ARHGEF7: variants seen among roughly 807,000 people sequenced by gnomAD.
The protein encoded by ARHGEF7 is Rho guanine nucleotide exchange factor 7, also known as PAK-interacting exchange factor beta.
ARHGEF7 carries 33 observed loss-of-function variants against 109.8 expected under a neutral mutation model. The observed-to-expected ratio is 0.30, with a 90% CI of 0.23 to 0.40. ARHGEF7 has a LOEUF of 0.40. Among genes scored for constraint, ARHGEF7 ranks in the 10% least tolerant of loss-of-function variants. ARHGEF7 has a pLI of 1.00. For missense variants in ARHGEF7, 938 were observed against 1,098.5 expected (o/e 0.85, Z 2.07); for synonymous variants, 458 against 424.6 (o/e 1.08, Z -0.97).
intron 15 of ARHGEF7, among the ~76,000 whole-genome samples, chr13:111,281,766 TG>T (rs2092790393): frequency 6.6e-6 from 1 of 152,216 alleles, no homozygotes; most frequent in African/African-American, 2.4e-5. Flanking sequence ...CTTTTCTCTG[TG>T]GCCAGACCCT....
At chr13:111,249,451 G>GA (rs1174657361) in intron 8 of ARHGEF7, among the ~76,000 whole-genome samples, 1 of 151,826 alleles carries the variant, frequency 6.6e-6, no homozygotes, top group African/African-American at 2.4e-5. Flanking sequence ...AGCAGGAGGG[G>GA]AAAAAAGGGA....
intron 1 of ARHGEF7, among the ~76,000 whole-genome samples, chr13:111,133,930 C>A (rs572722638): frequency 2.0e-5 from 3 of 150,870 alleles, no homozygotes; most frequent in African/African-American, 7.3e-5. Context: ...TTAGGTATAT[C>A]TCCTAATGCT....
At chr13:111,209,788 C>G (rs1374035544) in intron 3 of ARHGEF7, 84 bp from the exon 4 acceptor site, 19 of 1,500,588 alleles carry the variant, frequency 1.3e-5, no homozygotes, top group Non-Finnish European at 1.7e-5. Flanking sequence ...CTGTGCTGCC[C>G]TAGTTTTAAA....
At chr13:111,243,844 A>G (rs1317682741) in intron 6 of ARHGEF7, 28 bp from the exon 7 acceptor site, 1 of 1,459,752 alleles carries the variant, frequency 6.9e-7, no homozygotes, top group African/African-American at 1.4e-5. Flanking sequence ...TGAAATGTCA[A>G]ATAACACTTA....
At chr13:111,276,100 CAT>C in intron 12 of ARHGEF7, 1 of 196,156 alleles carries the variant, frequency 5.1e-6, no homozygotes. Flanking sequence ...TGCTAGCTGA[CAT>C]ATGCTTACAG....
rs1046454482 is a variant in ARHGEF7 at position 111,153,695 on chromosome 13, G to C, written c.166-210G>C. On this transcript the variant is annotated intron_variant, in intron 1 of 21. Transcript: ENST00000646102. The stretch of plus-strand genomic sequence containing the variant: ...CCTGGTGCGGGAAGGGGCAGAGATT[G>C]GTGCAGCCCCGGAGGAAGAAAAAAG... The C allele has an allele frequency of 6.2e-6, 8 of 1,287,588 alleles. No individual in the cohort carries two copies. In the Admixed American group the frequency reaches 2.2e-4, roughly 35 times the overall value. 79.8% of individuals were successfully genotyped at this position (1,287,588 alleles called of 1,614,324 possible).
intron 21 of ARHGEF7, among the ~76,000 whole-genome samples, chr13:111,301,980 G>T (rs947133766): frequency 6.6e-6 from 1 of 152,096 alleles, no homozygotes; most frequent in Non-Finnish European, 1.5e-5. Context: ...ATAATTGGTT[G>T]TCTCTAAAGT....
chr13:111,168,625 G>A (rs978301845), intron 2 of ARHGEF7, among the ~76,000 whole-genome samples: 25 of 152,158 alleles, frequency 1.6e-4, no homozygotes, highest in African/African-American at 5.6e-4. Flanking sequence ...AGTTTTGAAG[G>A]CTATGAAAGG....
chr13:111,155,958 A>G (rs2076289185), intron 2 of ARHGEF7, among the ~76,000 whole-genome samples: 1 of 151,774 alleles, frequency 6.6e-6, no homozygotes. Context: ...GGTGGCGTGC[A>G]CCTGTAGTTC....
Position 111,286,175 on chromosome 13 carries a change from A to G in ARHGEF7, c.1979A>G (p.Lys660Arg), listed in dbSNP as rs1222835527. Residue 660 changes from lysine (K) to arginine (R), a missense_variant, in exon 17 of 22, where the codon AAA (lysine) becomes AGA (arginine). By Grantham distance (26) the Lys-to-Arg change is conservative. Around this residue, in one of 4 missense-constraint regions of ARHGEF7, gnomAD observed 585 missense variants for 723.6 expected, o/e 0.81. Transcript: ENST00000646102. The part of the protein sequence containing the change: ...EDLSKSPKTM[K>R]KLLPKRKPER... ...CTTAGTAAGAGCCCTAAGACCATGA[A>G]AAAGCTGCTGCCCAAGCGCAAACCT... 3 of 1,614,006 alleles carry G rather than the reference A, an allele frequency of 1.9e-6. No individual in the cohort carries two copies. The highest frequency in any genetic ancestry group is 2.5e-6 in the Non-Finnish European group (3 of 1,179,978).
intron 2 of ARHGEF7, among the ~76,000 whole-genome samples, chr13:111,171,513 A>G (rs147272881): frequency 2.0e-5 from 3 of 152,344 alleles, no homozygotes; most frequent in South Asian, 2.1e-4. Flanking sequence ...GCTTGAATCT[A>G]CAAGTCCTTT....
chr13:111,154,321 C>T (rs2076127521), intron 2 of ARHGEF7, among the ~76,000 whole-genome samples: 2 of 152,162 alleles, frequency 1.3e-5, no homozygotes, highest in Admixed American at 6.5e-5. Flanking sequence ...GGGTGTGAAC[C>T]GATTTCTTGG....
chr13:111,270,252 A>G lies in ARHGEF7; in HGVS notation c.1073+2582A>G, dbSNP rs575926384. Among the ~76,000 whole-genome samples the G allele has an allele frequency of 1.2e-4, 18 of 152,316 alleles. No homozygotes were observed. In the South Asian group the frequency reaches 3.3e-3, roughly 28 times the overall value. ...AGTTTGTTCCTCTGCACTTGGCTCC[A>G]TGCTTGCATGTGTTTTGTGGCTGCC... On this transcript the variant is annotated intron_variant, in intron 9 of 21. Coordinates refer to ENST00000646102, the MANE Select transcript of ARHGEF7 (RefSeq NM_001354046.2).
At chr13:111,179,390 G>A (rs1394492375) in intron 2 of ARHGEF7, among the ~76,000 whole-genome samples, 2 of 152,030 alleles carry the variant, frequency 1.3e-5, no homozygotes, top group African/African-American at 2.4e-5. Context: ...GGCCTCAAAC[G>A]CCTGTTTCTG....
chr13:111,172,989 C>T (rs1206499015), intron 2 of ARHGEF7, among the ~76,000 whole-genome samples: 1 of 152,216 alleles, frequency 6.6e-6, no homozygotes, highest in Non-Finnish European at 1.5e-5. Context: ...GAGGGATGCT[C>T]AACCTGTGTA....
chr13:111,267,727 A>G, intron 9 of ARHGEF7, 57 bp downstream of exon 9: 2 of 1,596,452 alleles, frequency 1.3e-6, no homozygotes, highest in East Asian at 2.3e-5. Context: ...TGTCCTTCAA[A>G]TAGTGCATGA....
At chr13:111,119,479 A>T in intron 1 of ARHGEF7, among the ~76,000 whole-genome samples, 1 of 152,192 alleles carries the variant, frequency 6.6e-6, no homozygotes, top group Admixed American at 6.5e-5. Flanking sequence ...CAGAAAATGT[A>T]ACTCGAAAGA....
chr13:111,234,491 T>C (rs1483569073), intron 6 of ARHGEF7, among the ~76,000 whole-genome samples: 1 of 152,154 alleles, frequency 6.6e-6, no homozygotes, highest in Admixed American at 6.5e-5. Context: ...GGCGGGTGCC[T>C]CTCCCCTCGC....
chr13:111,256,898 C>G (rs554064235), intron 8 of ARHGEF7, among the ~76,000 whole-genome samples: 1 of 152,350 alleles, frequency 6.6e-6, no homozygotes, highest in African/African-American at 2.4e-5. Context: ...TGGTTCATCC[C>G]AGAAACTGGG....
Sources: allele counts gnomAD v4.1 joint callset (sites outside exome capture counted in the v4.1 genomes callset), GRCh38; gene constraint gnomAD v4.1.1; regional missense constraint gnomAD v4.1.1; transcripts MANE v1.5; gene names NCBI Gene and HGNC (gene_info 2026-07-23, HGNC 2026-07-21).